DLGAP1: variants seen among roughly 807,000 people sequenced by gnomAD.
The protein encoded by DLGAP1 is DLG associated protein 1, also known as disks large-associated protein 1.
A neutral mutation model predicts 90.8 loss-of-function variants in DLGAP1; 11 were observed. That is an observed-to-expected ratio of 0.12 (90% CI 0.08 to 0.20). The LOEUF (loss-of-function observed/expected upper bound fraction) is 0.20, where lower values mean the gene tolerates loss of function less well. Ranked by LOEUF, DLGAP1 falls within the 10% of genes least tolerant of loss-of-function variation. The pLI is 1.00. For missense variants in DLGAP1, 1,050 were observed against 1,333.8 expected (o/e 0.79, Z 3.31); for synonymous variants, 558 against 540.7 (o/e 1.03, Z -0.44).
chr18:3,979,916 A>G (rs1268761882), intron 3 of DLGAP1, among the ~76,000 whole-genome samples: 2 of 152,168 alleles, frequency 1.3e-5, no homozygotes, highest in African/African-American at 4.8e-5. Context: ...CAGGTGGATC[A>G]CTTGAGGTCA....
At chr18:3,593,471 C>G (rs2056395409) in intron 7 of DLGAP1, among the ~76,000 whole-genome samples, 1 of 152,208 alleles carries the variant, frequency 6.6e-6, no homozygotes, top group African/African-American at 2.4e-5. Context: ...CCCGGCCCCC[C>G]TCTGGGAGAT....
rs1188632085 is a variant in DLGAP1 at position 3,688,931 on chromosome 18, A to G, written c.1591+40204T>C. 2.0e-5 allele frequency among the ~76,000 whole-genome samples: 3 copies of G among 152,164 alleles called. No homozygotes were observed. In the East Asian group the frequency reaches 5.8e-4, roughly 29 times the overall value. ...ATAAGAAACAGATTTGATACTGGGAATGCTGTCATGGAGAACCCTGGGCTT... is the reference window on the plus strand; with the variant it reads ...ATAAGAAACAGATTTGATACTGGGAGTGCTGTCATGGAGAACCCTGGGCTT... On this transcript the variant is annotated intron_variant, in intron 7 of 12. Coordinates refer to ENST00000315677, the MANE Select transcript of DLGAP1 (RefSeq NM_004746.4).
intron 4 of DLGAP1, among the ~76,000 whole-genome samples, chr18:3,868,776 A>G (rs963562882): frequency 3.3e-5 from 5 of 152,162 alleles, no homozygotes; most frequent in African/African-American, 1.2e-4. Context: ...TGAACTTCCG[A>G]TGGTTCTGTG....
At chr18:4,448,310 A>C (rs986160055) in intron 1 of DLGAP1, among the ~76,000 whole-genome samples, 1 of 152,102 alleles carries the variant, frequency 6.6e-6, no homozygotes, top group African/African-American at 2.4e-5. Context: ...ATTACATTTC[A>C]AGCTACCCAA....
At chr18:4,120,522 G>A (rs2076134977) in intron 2 of DLGAP1, among the ~76,000 whole-genome samples, 1 of 152,184 alleles carries the variant, frequency 6.6e-6, no homozygotes, top group Non-Finnish European at 1.5e-5. Flanking sequence ...TGTCAGTGAA[G>A]CAATGATAGA....
At chr18:3,713,057 C>A (rs2061646723) in intron 7 of DLGAP1, among the ~76,000 whole-genome samples, 1 of 152,184 alleles carries the variant, frequency 6.6e-6, no homozygotes, top group Non-Finnish European at 1.5e-5. Flanking sequence ...TCAAACCCTG[C>A]CTTGGTGCAA....
intron 1 of DLGAP1, among the ~76,000 whole-genome samples, chr18:4,413,371 T>C (rs1157280279): frequency 6.6e-6 from 1 of 152,074 alleles, no homozygotes; most frequent in Non-Finnish European, 1.5e-5. Flanking sequence ...CTCCATCCCC[T>C]CTCCAAGAGA....
At chr18:4,182,551 C>A (rs2077226984) in intron 1 of DLGAP1, among the ~76,000 whole-genome samples, 1 of 151,960 alleles carries the variant, frequency 6.6e-6, no homozygotes, top group Non-Finnish European at 1.5e-5. Flanking sequence ...TAGAAGATCC[C>A]ACATAAGTTG....
intron 6 of DLGAP1, 150 bp downstream of exon 6, chr18:3,742,185 T>C (rs2147698197): frequency 4.0e-6 from 4 of 996,022 alleles, no homozygotes; most frequent in East Asian, 2.6e-5. Context: ...ACCCATGGCA[T>C]GCTCTTTGCA....
At chr18:4,289,711 C>T (rs983984167) in intron 1 of DLGAP1, among the ~76,000 whole-genome samples, 1 of 151,820 alleles carries the variant, frequency 6.6e-6, no homozygotes, top group African/African-American at 2.4e-5. Context: ...AATGAGTAAA[C>T]CTAATTTTAA....
chr18:4,092,058 T>C (rs1254157986), intron 2 of DLGAP1, among the ~76,000 whole-genome samples: 1 of 152,116 alleles, frequency 6.6e-6, no homozygotes, highest in East Asian at 1.9e-4. Flanking sequence ...AGTTAGAAGT[T>C]GAGCTGGGTT....
intron 2 of DLGAP1, among the ~76,000 whole-genome samples, chr18:4,031,564 C>T (rs973685502): frequency 4.6e-5 from 7 of 152,102 alleles, no homozygotes; most frequent in African/African-American, 1.7e-4. Context: ...AAATAAGCAA[C>T]AGTGTTTGTC....
chr18:4,092,242 T>A (rs1348431859), intron 2 of DLGAP1, among the ~76,000 whole-genome samples: 3 of 152,184 alleles, frequency 2.0e-5, no homozygotes, highest in Non-Finnish European at 4.4e-5. Context: ...GAGCTCTTCC[T>A]TGCTCTCCCC....
intron 1 of DLGAP1, among the ~76,000 whole-genome samples, chr18:4,305,427 G>A (rs750617401): frequency 7.3e-5 from 11 of 151,334 alleles, no homozygotes; most frequent in East Asian, 1.9e-4. Flanking sequence ...CCAGACACTC[G>A]GGAGGCTGAG....
intron 1 of DLGAP1, among the ~76,000 whole-genome samples, chr18:4,387,923 T>TCTCTCACACA (rs766869482): frequency 3.0e-5 from 1 of 33,668 alleles, no homozygotes; most frequent in East Asian, 1.4e-3. Flanking sequence ...AGAGACTCCA[T>TCTCTCACACA]CACACATACA....
At chr18:4,405,402 T>C (rs1228917991) in intron 1 of DLGAP1, among the ~76,000 whole-genome samples, 1 of 152,122 alleles carries the variant, frequency 6.6e-6, no homozygotes, top group Non-Finnish European at 1.5e-5. Flanking sequence ...ACATTCATAA[T>C]TAATTGCAAG....
At chr18:4,313,852 C>A (rs2080460711) in intron 1 of DLGAP1, among the ~76,000 whole-genome samples, 1 of 152,168 alleles carries the variant, frequency 6.6e-6, no homozygotes, top group Non-Finnish European at 1.5e-5. Context: ...GTGACTAGAA[C>A]TGACCCAGAT....
intron 3 of DLGAP1, among the ~76,000 whole-genome samples, chr18:3,971,647 A>C (rs989506921): frequency 6.6e-6 from 1 of 152,236 alleles, no homozygotes; most frequent in Non-Finnish European, 1.5e-5. Flanking sequence ...TCTTTTGTCC[A>C]TCTATCCTTT....
chr18:4,170,430 GA>G (rs1197724721), intron 1 of DLGAP1, among the ~76,000 whole-genome samples: 1 of 152,062 alleles, frequency 6.6e-6, no homozygotes, highest in Non-Finnish European at 1.5e-5. Flanking sequence ...TTATATTATG[GA>G]AAAATCCCTG....
Sources: allele counts gnomAD v4.1 joint callset (sites outside exome capture counted in the v4.1 genomes callset), GRCh38; gene constraint gnomAD v4.1.1; transcripts MANE v1.5; gene names NCBI Gene and HGNC (gene_info 2026-07-23, HGNC 2026-07-21).